Variants in STAG1 observed in about 807,000 individuals in gnomAD.
STAG1 encodes the protein cohesin subunit SA-1.
A neutral mutation model predicts 170.9 loss-of-function variants in STAG1; 26 were observed. That is an observed-to-expected ratio of 0.15 (90% CI 0.11 to 0.21). The LOEUF (loss-of-function observed/expected upper bound fraction) is 0.21. Ranked by LOEUF, STAG1 falls within the 10% of genes least tolerant of loss-of-function variation. The pLI is 1.00. For missense variants in STAG1, 964 were observed against 1,509.5 expected (o/e 0.64, Z 5.99); for synonymous variants, 514 against 497.7 (o/e 1.03, Z -0.44).
intron 2 of STAG1, among the ~76,000 whole-genome samples, chr3:136,630,109 C>T (rs1460545118): frequency 6.6e-6 from 1 of 152,194 alleles, no homozygotes; most frequent in Non-Finnish European, 1.5e-5. Flanking sequence ...GCAGGAGAAT[C>T]GCTTGAACCC....
At chr3:136,471,514 G>A (rs927259071) in intron 12 of STAG1, among the ~76,000 whole-genome samples, 1 of 152,098 alleles carries the variant, frequency 6.6e-6, no homozygotes, top group Non-Finnish European at 1.5e-5. Context: ...CATGGTGTTA[G>A]AGCCAAAATG....
intron 29 of STAG1, among the ~76,000 whole-genome samples, chr3:136,347,313 T>C (rs752848092): frequency 2.7e-5 from 4 of 147,964 alleles, no homozygotes; most frequent in Non-Finnish European, 5.9e-5. Context: ...GGAGAATTGC[T>C]TGAACCTGGG....
At chr3:136,368,409 T>A (rs1937161843) in intron 24 of STAG1, among the ~76,000 whole-genome samples, 1 of 152,196 alleles carries the variant, frequency 6.6e-6, no homozygotes, top group African/African-American at 2.4e-5. Flanking sequence ...ATAACAGTTT[T>A]TCAGCATTTA....
intron 4 of STAG1, among the ~76,000 whole-genome samples, chr3:136,570,399 A>G (rs1373184266): frequency 1.3e-5 from 2 of 152,192 alleles, no homozygotes; most frequent in East Asian, 3.8e-4. Flanking sequence ...GCTGAATATT[A>G]TTTCATTGTA....
At chr3:136,468,086 A>C (rs563335286) in intron 12 of STAG1, among the ~76,000 whole-genome samples, 1 of 152,326 alleles carries the variant, frequency 6.6e-6, no homozygotes, top group East Asian at 1.9e-4. Context: ...CTAACATCAC[A>C]ATCGAAAGAA....
rs957582009 is a variant in STAG1, at chr3:136,343,865, G to T, written c.3413C>A (p.Ser1138Tyr). 1.3e-6 allele frequency: 2 copies of T among 1,597,022 alleles called. No homozygotes were observed. Among genetic ancestry groups the T allele is most frequent in the Non-Finnish European group, 1.7e-6 (2 of 1,172,516 alleles). ...AAAGTCTGGTTCAGAACCATGTTCAGACTCAGGTTCTTGAATCTGGTCTCC... is the reference window on the plus strand; with the variant it reads ...AAAGTCTGGTTCAGAACCATGTTCATACTCAGGTTCTTGAATCTGGTCTCC... ...PMGDQIQEPE[S>Y]EHGSEPDFLH... The change falls in exon 30 of 34, where the codon TCT becomes TAT. Residue 1138 changes from serine to tyrosine, a missense_variant. Physicochemically the swap from Ser to Tyr is moderately radical, Grantham distance 144 (BLOSUM62 -2). Transcript: ENST00000383202.
At chr3:136,748,824 G>T (rs1019613719) in intron 1 of STAG1, among the ~76,000 whole-genome samples, 1 of 151,868 alleles carries the variant, frequency 6.6e-6, no homozygotes, top group Non-Finnish European at 1.5e-5. Context: ...TTAAATTTTC[G>T]TTTTTATTTT....
intron 13 of STAG1, among the ~76,000 whole-genome samples, chr3:136,463,770 TACACACAC>T (rs375928916): frequency 5.1e-4 from 65 of 126,398 alleles, no homozygotes; most frequent in East Asian, 2.4e-3. Flanking sequence ...TGTGTGTGTA[TACACACAC>T]ACACACACAC....
At chr3:136,368,793 A>C (rs1269367594) in intron 24 of STAG1, among the ~76,000 whole-genome samples, 1 of 152,082 alleles carries the variant, frequency 6.6e-6, no homozygotes, top group African/African-American at 2.4e-5. Context: ...CACTATGTAC[A>C]TTTTTATTCT....
chr3:136,529,367 G>C (rs1935248686), intron 6 of STAG1, among the ~76,000 whole-genome samples: 2 of 152,140 alleles, frequency 1.3e-5, no homozygotes, highest in South Asian at 2.1e-4. Flanking sequence ...CAAAGACAGA[G>C]AGAATTCTGA....
At chr3:136,424,313 T>C (rs1419202678) in intron 16 of STAG1, among the ~76,000 whole-genome samples, 2 of 151,472 alleles carry the variant, frequency 1.3e-5, no homozygotes, top group Non-Finnish European at 2.9e-5. Flanking sequence ...AAATGGCTAT[T>C]TTTGATGGAA....
intron 14 of STAG1, among the ~76,000 whole-genome samples, chr3:136,446,483 C>G (rs2088781569): frequency 6.6e-6 from 1 of 151,880 alleles, no homozygotes; most frequent in Non-Finnish European, 1.5e-5. Context: ...AATGCTACGG[C>G]ATGATCTCGG....
intron 24 of STAG1, among the ~76,000 whole-genome samples, chr3:136,368,670 T>A (rs944606022): frequency 6.6e-6 from 1 of 152,158 alleles, no homozygotes; most frequent in African/African-American, 2.4e-5. Flanking sequence ...ATGGATAATA[T>A]GAATTATGCT....
Position 136,473,571 on chromosome 3 carries a change from G to C in STAG1, c.1093C>G (p.Pro365Ala). The C allele has an allele frequency of 6.2e-7, 1 of 1,611,610 alleles. No homozygotes were observed. Among genetic ancestry groups the C allele is most frequent in the Middle Eastern group, 1.7e-4 (1 of 6,046 alleles). The change falls in exon 11 of 34, where the codon CCC becomes GCC. Residue 365 changes from proline (P) to alanine (A), a missense_variant. Around this residue, in one of 11 missense-constraint regions of STAG1, gnomAD observed 162 missense variants for 211.2 expected, o/e 0.77. Transcript: ENST00000383202. ...CGGTTAGTGAATAGTTCCAATTTGG[G>C]GAATAATTCTCTATTGGTATATAGA... Reference protein sequence around the residue: ...QSLYTNRELFPKLELFTNRFK... With the variant: ...QSLYTNRELFAKLELFTNRFK...
intron 6 of STAG1, among the ~76,000 whole-genome samples, chr3:136,525,468 T>C (rs902832339): frequency 1.3e-5 from 2 of 152,156 alleles, no homozygotes; most frequent in African/African-American, 2.4e-5. Flanking sequence ...TTATTGCGTC[T>C]ATTTGAGTCT....
chr3:136,521,388 A>C lies in STAG1; in HGVS notation c.501T>G (p.Pro167=). The part of the protein sequence containing the change: ...EDSGDYPLTM[P]GPQWKKFRSN... ...AACGAAATTTTTTCCACTGAGGTCC[A>C]GGCATGGTAAGAGGATAATCACCAC... Residue 167 remains proline, a synonymous_variant, in exon 7 of 34, where the codon CCT becomes CCG. Coordinates refer to ENST00000383202, the MANE Select transcript of STAG1 (RefSeq NM_005862.3). The C allele has an allele frequency of 6.2e-7, 1 of 1,613,662 alleles. No individual in the cohort carries two copies. Among genetic ancestry groups the C allele is most frequent in the Non-Finnish European group, 8.5e-7 (1 of 1,179,706 alleles).
intron 5 of STAG1, among the ~76,000 whole-genome samples, chr3:136,543,303 A>G (rs1935993366): frequency 6.6e-6 from 1 of 152,208 alleles, no homozygotes; most frequent in African/African-American, 2.4e-5. Context: ...AACTAAACTG[A>G]AAGACACTGC....
Position 136,585,127 on chromosome 3 carries a change from G to GT in STAG1, c.298-16267dup, listed in dbSNP as rs556499634. Among the ~76,000 whole-genome samples, 420 of 152,276 alleles carry GT rather than the reference G, an allele frequency of 2.8e-3. 2 individuals are homozygous for GT. The highest frequency in any genetic ancestry group is 3.2e-3 in the Non-Finnish European group (221 of 68,022). On this transcript the variant is annotated intron_variant, in intron 4 of 33. Transcript: ENST00000383202. Reference sequence around the variant, plus strand: ...CAATTATTTTACCTGTCCTAGATCAGTTTTCTCACTTACGTCTTTTAAATC... The same window carrying GT: ...CAATTATTTTACCTGTCCTAGATCAGTTTTTCTCACTTACGTCTTTTAAATC...
At chr3:136,589,846 G>A (rs568319220) in intron 4 of STAG1, among the ~76,000 whole-genome samples, 31 of 150,388 alleles carry the variant, frequency 2.1e-4, no homozygotes, top group Admixed American at 8.6e-4. Context: ...CAGGAGGATC[G>A]CCTGAATCCG....
Sources: allele counts gnomAD v4.1 joint callset (sites outside exome capture counted in the v4.1 genomes callset), GRCh38; gene constraint gnomAD v4.1.1; regional missense constraint gnomAD v4.1.1; transcripts MANE v1.5; gene names NCBI Gene and HGNC (gene_info 2026-07-23, HGNC 2026-07-21).